The following FAM110B variants were observed in gnomAD, a reference collection of about 807,000 sequenced individuals.
The protein encoded by FAM110B is protein FAM110B.
FAM110B carries 6 observed loss-of-function variants against 20.4 expected under a neutral mutation model. The observed-to-expected ratio is 0.29, with a 90% CI of 0.16 to 0.58. The LOEUF (loss-of-function observed/expected upper bound fraction) is 0.58, where lower values mean the gene tolerates loss of function less well. FAM110B is among the 20% of genes least tolerant of loss of function. FAM110B has a pLI of 0.90. For synonymous variants in FAM110B, 226 were observed against 214.1 expected, an observed-to-expected ratio of 1.06 and a Z score of -0.49; for missense variants, 434 against 498.2, an observed-to-expected ratio of 0.87 and a Z score of 1.23.
At chr8:58,137,295 C>T (rs943127405) in intron 3 of FAM110B, among the ~76,000 whole-genome samples, 2 of 152,216 alleles carry the variant, frequency 1.3e-5, no homozygotes, top group Non-Finnish European at 2.9e-5. Context: ...CACGGTGGCT[C>T]ATGCCTGTAA....
At chr8:58,145,757 C>G (rs1014847182) in intron 3 of FAM110B, 150 bp from the exon 4 acceptor site, 1 of 153,124 alleles carries the variant, frequency 6.5e-6, no homozygotes. Context: ...GGTCGTCCCC[C>G]TCGCGCGGTC....
chr8:58,114,140 C>A (rs1807137632), intron 3 of FAM110B, among the ~76,000 whole-genome samples: 1 of 152,098 alleles, frequency 6.6e-6, no homozygotes, highest in African/African-American at 2.4e-5. Context: ...CAGGGAGATA[C>A]TATTTTTCCA....
Position 58,147,035 on chromosome 8 carries a change from C to T in FAM110B, c.805C>T (p.Arg269Ter), listed in dbSNP as rs1305000947. Residue 269 changes from arginine to a stop codon, truncating the protein, a stop_gained, in exon 4 of 4, where the codon CGA (arginine) becomes TGA (stop). Coordinates refer to ENST00000519262, the MANE Select transcript of FAM110B (RefSeq NM_001377989.1). LOFTEE classifies it high-confidence loss of function. Reference protein sequence around the residue: ...SKSDLSDRYFRVDADVERFFN... With the variant: ...SKSDLSDRYF ...GTCAGACTTGAGTGACAGATATTTC[C>T]GAGTGGACGCGGACGTGGAGAGGTT... The T allele has an allele frequency of 6.2e-7, 1 of 1,614,212 alleles. No individual in the cohort carries two copies. The highest frequency in any genetic ancestry group is 1.7e-5 in the Admixed American group (1 of 60,020).
chr8:58,077,709 C>A (rs558161751), intron 3 of FAM110B, among the ~76,000 whole-genome samples: 1 of 152,158 alleles, frequency 6.6e-6, no homozygotes, highest in African/African-American at 2.4e-5. Context: ...GTCCCTCCCC[C>A]CATCAAGGCA....
chr8:58,002,016 TAG>T (rs149988068), intron 1 of FAM110B, among the ~76,000 whole-genome samples: 44 of 149,116 alleles, frequency 3.0e-4, no homozygotes, highest in Non-Finnish European at 2.7e-4. Context: ...GCTAAGCAGC[TAG>T]AGAGAGAGAG....
rs1427543476 is a variant in FAM110B, at chr8:58,147,383, T to TA, written c.*41dup. ...AGGAGGGAGCGTGGGTCTCTGTGCT[T>TA]ACGCAGTTGTGAAGGTTGTGAGGTC... On this transcript the variant is annotated 3_prime_UTR_variant, in exon 4 of 4. Transcript: ENST00000519262. 27 of 1,581,840 alleles carry TA rather than the reference T, an allele frequency of 1.7e-5. No individual in the cohort carries two copies. The highest frequency in any genetic ancestry group is 2.3e-5 in the Non-Finnish European group (27 of 1,163,314).
chr8:58,092,530 T>C (rs1483548095), intron 3 of FAM110B, among the ~76,000 whole-genome samples: 2 of 152,140 alleles, frequency 1.3e-5, no homozygotes, highest in Non-Finnish European at 2.9e-5. Flanking sequence ...TTCACTGAGA[T>C]TGATAGTTTC....
intron 1 of FAM110B, among the ~76,000 whole-genome samples, chr8:58,014,303 G>T (rs940528865): frequency 2.0e-5 from 3 of 152,156 alleles, no homozygotes; most frequent in African/African-American, 7.2e-5. Context: ...ATCTGGGTCA[G>T]TGCTTTGTCA....
intron 3 of FAM110B, among the ~76,000 whole-genome samples, chr8:58,117,968 T>C (rs1242280282): frequency 6.6e-6 from 1 of 152,230 alleles, no homozygotes; most frequent in Non-Finnish European, 1.5e-5. Flanking sequence ...TCTGTCTTTA[T>C]AGATAATTAT....
chr8:58,084,231 C>G (rs1563363984), intron 3 of FAM110B, among the ~76,000 whole-genome samples: 1 of 152,086 alleles, frequency 6.6e-6, no homozygotes, highest in Admixed American at 6.6e-5. Flanking sequence ...ATGGTGTACA[C>G]CTCGCTAAAG....
intron 3 of FAM110B, among the ~76,000 whole-genome samples, chr8:58,119,686 C>G (rs1807305587): frequency 1.3e-5 from 2 of 152,174 alleles, no homozygotes; most frequent in Admixed American, 1.3e-4. Context: ...CCTCTGATAG[C>G]TTTAGTTCTT....
At chr8:58,096,170 C>CA (rs1214829186) in intron 3 of FAM110B, among the ~76,000 whole-genome samples, 1 of 152,088 alleles carries the variant, frequency 6.6e-6, no homozygotes, top group East Asian at 1.9e-4. Flanking sequence ...GTACAGCATA[C>CA]CAATGGTCTT....
At chr8:58,121,913 T>G (rs560112424) in intron 3 of FAM110B, among the ~76,000 whole-genome samples, 56 of 152,352 alleles carry the variant, frequency 3.7e-4, no homozygotes, top group African/African-American at 1.3e-3. Flanking sequence ...GGGAACCGCC[T>G]TTGGCTGCCC....
At chr8:58,076,822 T>G (rs1806048626) in intron 3 of FAM110B, among the ~76,000 whole-genome samples, 1 of 152,206 alleles carries the variant, frequency 6.6e-6, no homozygotes. Flanking sequence ...ATGCTTGGAT[T>G]TGATTGACAG....
At chr8:58,102,853 A>C (rs1178799198) in intron 3 of FAM110B, among the ~76,000 whole-genome samples, 1 of 152,198 alleles carries the variant, frequency 6.6e-6, no homozygotes, top group Non-Finnish European at 1.5e-5. Context: ...TAGCCATGCC[A>C]TAAAACAAGA....
At chr8:58,085,087 G>A (rs974300149) in intron 3 of FAM110B, among the ~76,000 whole-genome samples, 1 of 152,170 alleles carries the variant, frequency 6.6e-6, no homozygotes, top group Non-Finnish European at 1.5e-5. Flanking sequence ...AGAAAAAGCA[G>A]GCTTCGTTTT....
intron 3 of FAM110B, among the ~76,000 whole-genome samples, chr8:58,135,894 A>C (rs1260980073): frequency 6.6e-6 from 1 of 151,462 alleles, no homozygotes; most frequent in Non-Finnish European, 1.5e-5. Context: ...TTACTACCAG[A>C]GTTTATAATC....
chr8:58,063,622 G>C (rs772648118), intron 2 of FAM110B, among the ~76,000 whole-genome samples: 2 of 152,222 alleles, frequency 1.3e-5, no homozygotes, highest in Admixed American at 1.3e-4. Flanking sequence ...TCATGTTGGT[G>C]CTCAAAAAGT....
At chr8:58,004,154 G>A (rs116532934) in intron 1 of FAM110B, among the ~76,000 whole-genome samples, 2,981 of 152,200 alleles carry the variant, frequency 0.02, 104 homozygotes, top group African/African-American at 0.067. Flanking sequence ...AATAAGGTTC[G>A]TGCTCCTTTG....
Sources: gnomAD v4.1 joint callset for allele counts (sites outside exome capture counted in the v4.1 genomes callset) on GRCh38, gnomAD v4.1.1 for gene constraint, MANE v1.5 for transcripts, NCBI Gene and HGNC (gene_info 2026-07-23, HGNC 2026-07-21) for gene names.